CORO2B: variants seen among roughly 807,000 people sequenced by gnomAD.
CORO2B encodes the protein coronin 2B.
CORO2B carries 26 observed loss-of-function variants against 58.8 expected under a neutral mutation model. The observed-to-expected ratio is 0.44, with a 90% CI of 0.32 to 0.61. CORO2B has a LOEUF of 0.61. CORO2B is among the 20% of genes least tolerant of loss of function. The pLI, the probability that CORO2B is intolerant of heterozygous loss-of-function variation, is 0.04. For synonymous variants in CORO2B, 242 were observed against 253.8 expected, an observed-to-expected ratio of 0.95 and a Z score of 0.44; for missense variants, 460 against 645.1, an observed-to-expected ratio of 0.71 and a Z score of 3.11.
intron 1 of CORO2B, among the ~76,000 whole-genome samples, chr15:68,597,757 G>T (rs919852294): frequency 6.6e-6 from 1 of 152,212 alleles, no homozygotes; most frequent in Non-Finnish European, 1.5e-5. Flanking sequence ...TCGGGCAAAA[G>T]TCCAGCCTGC....
intron 2 of CORO2B, among the ~76,000 whole-genome samples, chr15:68,694,390 G>A (rs7179882): frequency 0.039 from 6,009 of 152,228 alleles, 380 homozygotes; most frequent in African/African-American, 0.13. Flanking sequence ...AGGGGAAACC[G>A]AGGCTCAGAG....
chr15:68,632,888 G>A (rs1174154309), intron 1 of CORO2B, among the ~76,000 whole-genome samples: 4 of 152,194 alleles, frequency 2.6e-5, no homozygotes, highest in East Asian at 1.9e-4. Context: ...CACCACACCC[G>A]GCCAATAAAT....
At chr15:68,561,421 G>T in the CORO2B span, among the ~76,000 whole-genome samples, 2 of 151,732 alleles carry the variant, frequency 1.3e-5, no homozygotes, top group African/African-American at 4.8e-5. Flanking sequence ...CCCACTCAGA[G>T]CAAGCACCTG....
intron 2 of CORO2B, among the ~76,000 whole-genome samples, chr15:68,670,456 A>G (rs1402716007): frequency 6.6e-6 from 1 of 152,212 alleles, no homozygotes; most frequent in East Asian, 1.9e-4. Flanking sequence ...CTGGGATTAC[A>G]GGCATGAGCC....
intron 3 of CORO2B, among the ~76,000 whole-genome samples, chr15:68,696,965 C>T (rs1018603301): frequency 6.6e-6 from 1 of 152,252 alleles, no homozygotes; most frequent in African/African-American, 2.4e-5. Flanking sequence ...GAGCTCATGT[C>T]TCCCTGTCTT....
At chr15:68,531,430 G>A in the CORO2B span, among the ~76,000 whole-genome samples, 2 of 151,922 alleles carry the variant, frequency 1.3e-5, no homozygotes, top group Admixed American at 6.6e-5. Context: ...CCAGGAGATG[G>A]AAGTTGCAGT....
upstream of CORO2B, among the ~76,000 whole-genome samples, chr15:68,577,234 T>G (rs1899305723): frequency 6.6e-6 from 1 of 152,190 alleles, no homozygotes; most frequent in African/African-American, 2.4e-5. Flanking sequence ...CAAGTAGGAA[T>G]GGACCCTGCA....
At chr15:68,698,315 G>A (rs1892561989) in intron 3 of CORO2B, among the ~76,000 whole-genome samples, 1 of 152,162 alleles carries the variant, frequency 6.6e-6, no homozygotes, top group African/African-American at 2.4e-5. Flanking sequence ...TGATGTAGGG[G>A]GGACAAATTA....
Position 68,579,066 on chromosome 15 carries a change from C to G in CORO2B, c.-197C>G. On this transcript the variant is annotated 5_prime_UTR_variant, in exon 1 of 12. Coordinates refer to ENST00000261861, the MANE Select transcript of CORO2B (RefSeq NM_006091.5). ...GCACATTCGGGGCTGACATCAGCGA[C>G]GAGCGGCGGGCGAGCGCCGACGAGC... The G allele has an allele frequency of 4.1e-6, 4 of 984,008 alleles. No homozygotes were observed. The highest frequency in any genetic ancestry group is 4.8e-6 in the Non-Finnish European group (4 of 829,420). 61.0% of individuals were successfully genotyped at this position (984,008 alleles called of 1,614,324 possible).
chr15:68,519,232 A>C, the CORO2B span, among the ~76,000 whole-genome samples: 3 of 152,238 alleles, frequency 2.0e-5, no homozygotes, highest in Non-Finnish European at 4.4e-5. Context: ...GCTAAGGAGA[A>C]GACCTTCAGA....
intron 1 of CORO2B, among the ~76,000 whole-genome samples, chr15:68,601,742 T>G (rs765315771): frequency 6.6e-6 from 1 of 152,130 alleles, no homozygotes; most frequent in Non-Finnish European, 1.5e-5. Flanking sequence ...AGAAGTTGAG[T>G]GCAGCTGGGG....
chr15:68,604,627 A>G (rs958532468), intron 1 of CORO2B, among the ~76,000 whole-genome samples: 22 of 151,926 alleles, frequency 1.4e-4, no homozygotes, highest in Non-Finnish European at 2.9e-4. Flanking sequence ...TTTAAAAAAA[A>G]AAACCTCCCT....
At chr15:68,555,152 C>T in the CORO2B span, among the ~76,000 whole-genome samples, 3 of 152,204 alleles carry the variant, frequency 2.0e-5, no homozygotes, top group Admixed American at 6.5e-5. Flanking sequence ...GGTTTCCTCC[C>T]CTGCACTGAA....
chr15:68,697,925 G>A (rs1892552846), intron 3 of CORO2B, among the ~76,000 whole-genome samples: 1 of 152,198 alleles, frequency 6.6e-6, no homozygotes, highest in African/African-American at 2.4e-5. Flanking sequence ...GAAGGAATGC[G>A]GTGACCACAG....
At chr15:68,553,393 G>A in the CORO2B span, among the ~76,000 whole-genome samples, 17 of 152,192 alleles carry the variant, frequency 1.1e-4, no homozygotes, top group African/African-American at 3.1e-4. Flanking sequence ...GAGGGTTGGA[G>A]AGCGAGATGT....
chr15:68,607,121 C>T (rs1210339095), intron 1 of CORO2B, among the ~76,000 whole-genome samples: 1 of 152,010 alleles, frequency 6.6e-6, no homozygotes, highest in Non-Finnish European at 1.5e-5. Flanking sequence ...ATTTTGTGGG[C>T]CAGGCACAGA....
At chr15:68,541,712 C>T in the CORO2B span, among the ~76,000 whole-genome samples, 33 of 152,290 alleles carry the variant, frequency 2.2e-4, no homozygotes, top group African/African-American at 7.0e-4. Flanking sequence ...TTACTGGCCC[C>T]GCATGAGCTT....
At chr15:68,648,641 C>T (rs1028916478) in intron 2 of CORO2B, among the ~76,000 whole-genome samples, 1 of 151,910 alleles carries the variant, frequency 6.6e-6, no homozygotes, top group South Asian at 2.1e-4. Flanking sequence ...CAGAGCGAGA[C>T]TCCGTCTCAA....
At chr15:68,617,320 C>G (rs1174271913) in intron 1 of CORO2B, among the ~76,000 whole-genome samples, 4 of 152,252 alleles carry the variant, frequency 2.6e-5, no homozygotes, top group Non-Finnish European at 5.9e-5. Flanking sequence ...GAGCTAGGCT[C>G]ACACCACTTT....
Sources: gnomAD v4.1 joint callset for allele counts (sites outside exome capture counted in the v4.1 genomes callset) on GRCh38, gnomAD v4.1.1 for gene constraint, MANE v1.5 for transcripts, NCBI Gene and HGNC (gene_info 2026-07-23, HGNC 2026-07-21) for gene names.